ELP6: variants seen among roughly 807,000 people sequenced by gnomAD.
ELP6 encodes elongator acetyltransferase complex subunit 6.
Under a neutral mutation model 28.1 loss-of-function variants are expected in ELP6, and 23 were observed. That is an observed-to-expected ratio of 0.82 (90% confidence interval 0.59 to 1.16). The LOEUF is 1.16. Among genes scored for constraint, ELP6 ranks in the 50% most tolerant of loss-of-function variants. ELP6 has a pLI of 0.00. For missense variants in ELP6, 313 were observed against 334.6 expected, an observed-to-expected ratio of 0.94 and a Z score of 0.50; for synonymous variants, 132 against 135.8, an observed-to-expected ratio of 0.97 and a Z score of 0.19.
At chr3:47,510,818 C>T (rs1708994269) in intron 2 of ELP6, among the ~76,000 whole-genome samples, 1 of 151,984 alleles carries the variant, frequency 6.6e-6, no homozygotes, top group Admixed American at 6.6e-5. Context: ...TCAATGGGGT[C>T]GAGTGCCCAG....
At chr3:47,513,411 AC>A in intron 1 of ELP6, 125 bp downstream of exon 1, 1 of 1,482,532 alleles carries the variant, frequency 6.7e-7, no homozygotes, top group Non-Finnish European at 8.9e-7. Context: ...TCTGCGGACT[AC>A]AACTCCCAGG....
intron 4 of ELP6, chr3:47,502,990 C>G (rs1708713326): frequency 1.0e-6 from 1 of 981,968 alleles, no homozygotes; most frequent in African/African-American, 1.7e-5. Flanking sequence ...GTGACTACCC[C>G]TGGCCATCAT....
At chr3:47,505,215 G>A (rs893661778) in intron 3 of ELP6, among the ~76,000 whole-genome samples, 4 of 150,990 alleles carry the variant, frequency 2.6e-5, no homozygotes, top group Admixed American at 1.3e-4. Context: ...GCATTGAGCC[G>A]AGATCTCACC....
chr3:47,497,800 T>C (rs1438548762), intron 6 of ELP6: 1 of 209,368 alleles, frequency 4.8e-6, no homozygotes, highest in Admixed American at 6.5e-5. Flanking sequence ...GGCATGGCAG[T>C]GGGTGCCTAT....
chr3:47,501,593 C>T (rs760858087), intron 5 of ELP6, 57 bp downstream of exon 5: 2 of 1,549,010 alleles, frequency 1.3e-6, no homozygotes, highest in Middle Eastern at 1.7e-4. Flanking sequence ...GAGGTCTGGA[C>T]CTGTCTGAGT....
At chr3:47,511,831 C>T (rs1709025667) in intron 1 of ELP6, 4 of 985,734 alleles carry the variant, frequency 4.1e-6, no homozygotes, top group Non-Finnish European at 4.8e-6. Context: ...CCATTCACCT[C>T]TATTTCTGTC....
chr3:47,503,129 G>A (rs913166148), intron 4 of ELP6: 1 of 1,113,422 alleles, frequency 9.0e-7, no homozygotes, highest in Admixed American at 4.6e-5. Context: ...CCATACCTTG[G>A]GATGAGGTAT....
In ELP6 at chr3:47,496,506, T is replaced by TC. The variant is rs1176793457; in HGVS notation, c.673-310_673-309insG. On this transcript the variant is annotated intron_variant, in intron 6 of 6. Coordinates refer to ENST00000296149, the MANE Select transcript of ELP6 (RefSeq NM_001031703.3). ...TAAAGTATTTTTATGTTTTTTTTTTTTTTTTTTGAAGCAGAGTCTCACTCT... is the reference window on the plus strand; with the variant it reads ...TAAAGTATTTTTATGTTTTTTTTTTTCTTTTTTTGAAGCAGAGTCTCACTCT... The TC allele has an allele frequency of 2.0e-4, 192 of 981,130 alleles. 3 individuals are homozygous for TC. In the African/African-American group the frequency reaches 3.1e-3, roughly 16 times the overall value. The allele number at this position is 981,130 out of a possible 1,614,324, so 60.8% of individuals were successfully genotyped here.
rs1259536316 is a variant in ELP6, at chr3:47,511,477, A to G, written c.55-251T>C. 2.3e-6 allele frequency: 3 copies of G among 1,291,642 alleles called. No individual in the cohort carries two copies. In the African/African-American group the frequency reaches 4.5e-5, roughly 19 times the overall value. The allele number at this position is 1,291,642 out of a possible 1,614,324, so 80.0% of individuals were successfully genotyped here. ...CTCAGCCTCCACCTCCTCAAAGCAAACAGAGAATAAACTTATTTCTCTTCC... is the reference window on the plus strand; with the variant it reads ...CTCAGCCTCCACCTCCTCAAAGCAAGCAGAGAATAAACTTATTTCTCTTCC... On this transcript the variant is annotated intron_variant, in intron 1 of 6. Transcript: ENST00000296149.
intron 1 of ELP6, 115 bp from the exon 2 acceptor site, chr3:47,511,341 T>C (rs894435386): frequency 6.9e-7 from 1 of 1,456,046 alleles, no homozygotes; most frequent in Non-Finnish European, 9.2e-7. Flanking sequence ...GAGTTTATTT[T>C]TTTAATGACA....
chr3:47,506,166 G>A (rs571402279), intron 3 of ELP6, among the ~76,000 whole-genome samples: 11 of 152,312 alleles, frequency 7.2e-5, no homozygotes, highest in Non-Finnish European at 1.0e-4. Flanking sequence ...AAAAGGGGAC[G>A]GAGTGTGCGA....
In ELP6 at chr3:47,504,324, A is replaced by G; in HGVS notation, c.323+6T>C. The G allele has an allele frequency of 6.3e-7, 1 of 1,599,906 alleles. No homozygotes were observed. Among genetic ancestry groups the G allele is most frequent in the African/African-American group, 1.3e-5 (1 of 74,536 alleles). On this transcript the variant is annotated splice_donor_region_variant and intron_variant, in intron 4 of 6. Coordinates refer to ENST00000296149, the MANE Select transcript of ELP6 (RefSeq NM_001031703.3). The stretch of plus-strand genomic sequence containing the variant: ...TGCTTCCGGGCTGGGCTGTAGGCTG[A>G]CTGACCTGAGAAACTGCAGGGGGTG...
At chr3:47,511,881 C>G (rs1227147893) in intron 1 of ELP6, 1 of 985,400 alleles carries the variant, frequency 1.0e-6, no homozygotes, top group Admixed American at 6.1e-5. Context: ...ATCATGCATG[C>G]CACCTCCTTG....
Position 47,501,765 on chromosome 3 carries a change from GT to G in ELP6, c.409del (p.Thr137ArgfsTer14). On this transcript the variant is annotated frameshift_variant, in exon 5 of 7. Coordinates refer to ENST00000296149, the MANE Select transcript of ELP6 (RefSeq NM_001031703.3). LOFTEE classifies it high-confidence loss of function. ...KPVDSGEARWTYPVLLVDDLS... is the reference protein window; with the variant it reads ...KPVDSGEARWXYPVLLVDDLS... Reference sequence around the variant, plus strand: ...GTCGTCCACCAACAGCACCGGGTACGTCCACCGAGCCTCTCCACTGTCTACT... The same window carrying G: ...GTCGTCCACCAACAGCACCGGGTACGCCACCGAGCCTCTCCACTGTCTACT... The G allele has an allele frequency of 6.2e-7, 1 of 1,610,578 alleles. No individual in the cohort carries two copies. The highest frequency in any genetic ancestry group is 1.1e-5 in the South Asian group (1 of 90,902).
intron 3 of ELP6, among the ~76,000 whole-genome samples, chr3:47,506,315 T>C (rs1708835684): frequency 6.6e-6 from 1 of 152,164 alleles, no homozygotes; most frequent in Non-Finnish European, 1.5e-5. Context: ...ACCATTGTCA[T>C]TGATAACATC....
intron 5 of ELP6, 189 bp downstream of exon 5, chr3:47,501,461 T>C: frequency 3.3e-6 from 2 of 607,164 alleles, no homozygotes; most frequent in South Asian, 4.0e-5. Flanking sequence ...TCCCTTTATT[T>C]TGGGGGGCTT....
chr3:47,504,456 T>A lies in ELP6; in HGVS notation c.205-8A>T, dbSNP rs1223425283. On this transcript the variant is annotated splice_region_variant and splice_polypyrimidine_tract_variant and intron_variant, in intron 3 of 6. Coordinates refer to ENST00000296149, the MANE Select transcript of ELP6 (RefSeq NM_001031703.3). ...CATGGTCAGGCTGACACCCTAAACA[T>A]GAAAAAGAGAGTGAGTTACTATGCC... The A allele has an allele frequency of 1.3e-6, 2 of 1,590,520 alleles. No individual in the cohort carries two copies. The highest frequency in any genetic ancestry group is 1.1e-5 in the South Asian group (1 of 88,492).
chr3:47,501,143 T>C (rs1336817041), intron 5 of ELP6, among the ~76,000 whole-genome samples: 1 of 152,222 alleles, frequency 6.6e-6, no homozygotes, highest in Non-Finnish European at 1.5e-5. Context: ...GATTTCTTTG[T>C]TCCTTCTCTG....
intron 6 of ELP6, 82 bp from the exon 7 acceptor site, chr3:47,496,279 C>A: frequency 1.3e-6 from 2 of 1,523,628 alleles, no homozygotes; most frequent in South Asian, 1.3e-5. Flanking sequence ...CTTCTCTGTG[C>A]CCTTCAGCTG....
Sources: allele counts gnomAD v4.1 joint callset (sites outside exome capture counted in the v4.1 genomes callset), GRCh38; gene constraint gnomAD v4.1.1; transcripts MANE v1.5; gene names NCBI Gene and HGNC (gene_info 2026-07-23, HGNC 2026-07-21).